Variants in AFG2B observed in about 807,000 individuals in gnomAD.
AFG2B encodes ATPase family gene 2 protein homolog B.
chr15:45,417,494 G>T, the AFG2B span: 1 of 1,341,208 alleles, frequency 7.5e-7, no homozygotes, highest in Non-Finnish European at 1.0e-6. Context: ...CCTGGGTTCC[G>T]CCTTCTTCCT....
chr15:45,415,795 T>G, the AFG2B span: 1 of 1,608,490 alleles, frequency 6.2e-7, no homozygotes, highest in East Asian at 2.2e-5. Context: ...TACAAGGAGC[T>G]GAAAAAATGA....
At chr15:45,418,287 T>G in the AFG2B span, among the ~76,000 whole-genome samples, 2 of 143,758 alleles carry the variant, frequency 1.4e-5, no homozygotes, top group Admixed American at 7.5e-5. Flanking sequence ...GAGGTTGTAG[T>G]GAGCCAAGAT....
the AFG2B span, chr15:45,415,568 A>T: frequency 1.9e-6 from 3 of 1,606,466 alleles, no homozygotes; most frequent in African/African-American, 4.0e-5. Flanking sequence ...GCTTTTTAAT[A>T]TTTTTTTCCT....
the AFG2B span, chr15:45,415,587 A>G: frequency 6.2e-6 from 10 of 1,613,352 alleles, no homozygotes; most frequent in African/African-American, 1.3e-5. Flanking sequence ...CTAACAAAAG[A>G]TATTTCGACA....
At chr15:45,419,389 G>T in the AFG2B span, among the ~76,000 whole-genome samples, 6 of 151,772 alleles carry the variant, frequency 4.0e-5, no homozygotes, top group Non-Finnish European at 8.8e-5. Context: ...TTGAGCCTGG[G>T]AAGCGAAGGT....
At chr15:45,407,881 C>T in the AFG2B span, among the ~76,000 whole-genome samples, 4 of 152,114 alleles carry the variant, frequency 2.6e-5, no homozygotes, top group Non-Finnish European at 5.9e-5. Context: ...CTAGAATGAT[C>T]AAGGAGAATG....
At chr15:45,414,728 G>A in the AFG2B span, 11 of 1,614,146 alleles carry the variant, frequency 6.8e-6, no homozygotes, top group Non-Finnish European at 9.3e-6. Context: ...TCAGTGAGTG[G>A]AGCTGATCTG....
the AFG2B span, among the ~76,000 whole-genome samples, chr15:45,406,725 T>G: frequency 6.6e-6 from 1 of 152,260 alleles, no homozygotes; most frequent in East Asian, 1.9e-4. Context: ...AAATTGTCTT[T>G]TCATCTTAAA....
At chr15:45,402,762 C>G in the AFG2B span, 1 of 1,580,536 alleles carries the variant, frequency 6.3e-7, no homozygotes, top group East Asian at 2.3e-5. Flanking sequence ...GGCGCGTCGC[C>G]GTGTGGCCGG....
the AFG2B span, chr15:45,416,013 T>G: frequency 5.8e-6 from 2 of 347,054 alleles, no homozygotes; most frequent in Admixed American, 4.4e-5. Flanking sequence ...ATCTTAAATA[T>G]AAGAATGTGA....
chr15:45,419,508 C>T, the AFG2B span, among the ~76,000 whole-genome samples: 15 of 151,814 alleles, frequency 9.9e-5, no homozygotes, highest in South Asian at 2.1e-4. Flanking sequence ...CCAGGACACA[C>T]GGGTCCTTGT....
chr15:45,417,247 T>C, the AFG2B span: 3 of 1,610,254 alleles, frequency 1.9e-6, no homozygotes, highest in African/African-American at 1.3e-5. Flanking sequence ...GACATTACTT[T>C]GTGTTGTGTG....
chr15:45,405,419 G>A, the AFG2B span: 1 of 1,614,126 alleles, frequency 6.2e-7, no homozygotes, highest in Non-Finnish European at 8.5e-7. Flanking sequence ...GGGCCTTCTT[G>A]CAGAAATGAC....
At chr15:45,403,440 G>A in the AFG2B span, 1 of 1,609,504 alleles carries the variant, frequency 6.2e-7, no homozygotes. Context: ...GGGACCGCGA[G>A]GTCGTGGTTG....
At chr15:45,413,884 A>G in the AFG2B span, among the ~76,000 whole-genome samples, 1 of 152,116 alleles carries the variant, frequency 6.6e-6, no homozygotes, top group African/African-American at 2.4e-5. Flanking sequence ...TGCATCTGTA[A>G]AATAATGATT....
At chr15:45,402,681 G>A in the AFG2B span, 1 of 1,575,148 alleles carries the variant, frequency 6.3e-7, no homozygotes. Flanking sequence ...CCGGGGCGGC[G>A]GTCGGGGCGT....
chr15:45,409,145 ATGGG>A, the AFG2B span, among the ~76,000 whole-genome samples: 5 of 151,458 alleles, frequency 3.3e-5, no homozygotes, highest in East Asian at 9.8e-4. Flanking sequence ...GGAGGCTGAG[ATGGG>A]TGGGTCAGTT....
chr15:45,408,205 A>C, the AFG2B span, among the ~76,000 whole-genome samples: 1 of 152,184 alleles, frequency 6.6e-6, no homozygotes, highest in East Asian at 1.9e-4. Context: ...TTCTAAAATT[A>C]TTGTCTTTAT....
the AFG2B span, chr15:45,402,848 G>GT: frequency 6.3e-7 from 1 of 1,598,542 alleles, no homozygotes; most frequent in African/African-American, 1.3e-5. Flanking sequence ...GAGCTGCTGA[G>GT]AAACCGACCG....
Sources: allele counts gnomAD v4.1 joint callset (sites outside exome capture counted in the v4.1 genomes callset), GRCh38; gene constraint gnomAD v4.1.1; transcripts MANE v1.5; gene names NCBI Gene and HGNC (gene_info 2026-07-23, HGNC 2026-07-21).